The following WASL variants were observed in gnomAD, a reference collection of about 807,000 sequenced individuals.
WASL encodes the protein WASP like actin nucleation promoting factor.
A neutral mutation model predicts 55.5 loss-of-function variants in WASL; 20 were observed. The ratio of observed to expected loss-of-function variants is 0.36; its 90% CI spans 0.25 to 0.52. The LOEUF (loss-of-function observed/expected upper bound fraction) is 0.52, where lower values mean the gene tolerates loss of function less well. WASL is among the 20% of genes least tolerant of loss of function. The pLI is 0.92. For synonymous variants in WASL, 249 were observed against 217.6 expected, an observed-to-expected ratio of 1.14 and a Z score of -1.27; for missense variants, 504 against 622.5, an observed-to-expected ratio of 0.81 and a Z score of 2.03.
chr7:123,714,689 G>C (rs1803810300), intron 1 of WASL, among the ~76,000 whole-genome samples: 1 of 152,160 alleles, frequency 6.6e-6, no homozygotes, highest in East Asian at 1.9e-4. Context: ...GAATGAAAAT[G>C]AGGGCAAATA....
chr7:123,708,963 C>T (rs922563867), intron 2 of WASL, 126 bp downstream of exon 2: 8 of 916,392 alleles, frequency 8.7e-6, no homozygotes, highest in Non-Finnish European at 1.2e-5. Context: ...CCAAGCTTCA[C>T]TCTTCTAATA....
chr7:123,688,097 A>G (rs1248502626), intron 10 of WASL, among the ~76,000 whole-genome samples: 2 of 152,200 alleles, frequency 1.3e-5, no homozygotes, highest in African/African-American at 2.4e-5. Flanking sequence ...GAAGCTATTT[A>G]GCAAACCTCA....
In WASL at chr7:123,701,692, C is replaced by A. The variant is rs151149887; in HGVS notation, c.460+2942G>T. ...GCTACTGGAGGACATGGTCCAGGGG[C>A]CCACTGCCACCTAGTGGTGGTGCAC... On this transcript the variant is annotated intron_variant, in intron 5 of 10. Transcript: ENST00000223023. Among the ~76,000 whole-genome samples the A allele has an allele frequency of 3.4e-4, 52 of 152,264 alleles. No homozygotes were observed. In the East Asian group the frequency reaches 7.9e-3, roughly 23 times the overall value.
rs543349416 is a variant in WASL at position 123,732,662 on chromosome 7, CAGA to C, written c.117+15953_117+15955del. On this transcript the variant is annotated intron_variant, in intron 1 of 10. Coordinates refer to ENST00000223023, the MANE Select transcript of WASL (RefSeq NM_003941.4). The stretch of plus-strand genomic sequence containing the variant: ...TAGAAATCTCTTCCAGAAATAGAAG[CAGA>C]AGGACTACTTCGTAACTATTTTGTA... 1.4e-4 allele frequency among the ~76,000 whole-genome samples: 21 copies of C among 152,180 alleles called. 1 individual carries two copies. In the South Asian group the frequency reaches 4.4e-3, roughly 32 times the overall value.
intron 6 of WASL, 35 bp downstream of exon 6, chr7:123,696,544 A>C: frequency 6.6e-7 from 1 of 1,504,086 alleles, no homozygotes; most frequent in Non-Finnish European, 8.8e-7. Flanking sequence ...AATAAATCAA[A>C]AGTGAAGATA....
At chr7:123,733,327 GT>G (rs1304895853) in intron 1 of WASL, among the ~76,000 whole-genome samples, 1 of 152,132 alleles carries the variant, frequency 6.6e-6, no homozygotes, top group Non-Finnish European at 1.5e-5. Flanking sequence ...AGCATACAAG[GT>G]TAATATGCAA....
intron 9 of WASL, among the ~76,000 whole-genome samples, chr7:123,691,971 A>C (rs1281997301): frequency 6.6e-6 from 1 of 152,238 alleles, no homozygotes; most frequent in African/African-American, 2.4e-5. Context: ...AGTCTAGAAC[A>C]ATGAATTGCA....
intron 1 of WASL, among the ~76,000 whole-genome samples, chr7:123,731,308 A>G (rs1308286191): frequency 6.6e-6 from 1 of 152,230 alleles, no homozygotes; most frequent in East Asian, 1.9e-4. Flanking sequence ...GTCAAAATAC[A>G]TGAGGCAAAA....
intron 1 of WASL, among the ~76,000 whole-genome samples, chr7:123,726,803 T>C (rs112317716): frequency 0.017 from 2,608 of 152,136 alleles, 76 homozygotes; most frequent in African/African-American, 0.059. Context: ...GAGGCAGAGG[T>C]TGCAGTGAGC....
chr7:123,702,423 T>C (rs182489913), intron 5 of WASL, among the ~76,000 whole-genome samples: 1 of 152,306 alleles, frequency 6.6e-6, no homozygotes, highest in East Asian at 1.9e-4. Context: ...ACCACTGTTA[T>C]ATAAAGAATT....
intron 2 of WASL, among the ~76,000 whole-genome samples, chr7:123,708,381 A>G (rs1803704626): frequency 6.6e-6 from 1 of 152,178 alleles, no homozygotes; most frequent in Non-Finnish European, 1.5e-5. Context: ...AGGCAGTTTT[A>G]GTTTTTTGTA....
intron 1 of WASL, among the ~76,000 whole-genome samples, chr7:123,734,201 CCA>C (rs1483999413): frequency 6.6e-6 from 1 of 152,018 alleles, no homozygotes; most frequent in East Asian, 1.9e-4. Context: ...AAAAGGCAAG[CCA>C]CAGACTCAGA....
chr7:123,714,014 T>G (rs1352241028), intron 1 of WASL, among the ~76,000 whole-genome samples: 3 of 152,204 alleles, frequency 2.0e-5, no homozygotes, highest in African/African-American at 7.2e-5. Context: ...TACTAAGAGA[T>G]GACTGTAAAA....
intron 1 of WASL, among the ~76,000 whole-genome samples, chr7:123,723,920 T>C (rs546589935): frequency 2.0e-5 from 3 of 152,352 alleles, no homozygotes; most frequent in East Asian, 3.9e-4. Flanking sequence ...TTCTAAAAGA[T>C]TGTGTATATT....
chr7:123,748,026 C>A (rs377460502), intron 1 of WASL, among the ~76,000 whole-genome samples: 2 of 152,140 alleles, frequency 1.3e-5, no homozygotes, highest in African/African-American at 2.4e-5. Flanking sequence ...CAGGCCTAGG[C>A]AAGGTTGCTA....
chr7:123,694,983 T>C (rs1803469133), intron 7 of WASL, 115 bp from the exon 8 acceptor site: 4 of 1,012,972 alleles, frequency 3.9e-6, no homozygotes, highest in Non-Finnish European at 5.8e-6. Context: ...AACATGCTTA[T>C]ATTACTTATG....
rs549785355 is a variant in WASL at position 123,699,586 on chromosome 7, G to A, written c.461-2839C>T. ...TAGCATGGAAACACAGTTGGATAAA[G>A]TTAAGTTTAATGATTTAAATTATCC... On this transcript the variant is annotated intron_variant, in intron 5 of 10. Transcript: ENST00000223023. 8.5e-5 allele frequency among the ~76,000 whole-genome samples: 13 copies of A among 152,258 alleles called. No individual in the cohort carries two copies. In the South Asian group the frequency reaches 2.5e-3, roughly 29 times the overall value.
In WASL at chr7:123,682,532, T is replaced by C. The variant is rs1358531156; in HGVS notation, c.*1987A>G. The C allele has an allele frequency of 6.6e-6, 1 of 152,142 alleles. No individual in the cohort carries two copies. The highest frequency in any genetic ancestry group is 1.5e-5 in the Non-Finnish European group (1 of 67,992). 9.4% of individuals were successfully genotyped at this position (152,142 alleles called of 1,614,324 possible). A position where few individuals can be genotyped will look rare whatever the true frequency, so the allele number is the denominator to read the frequency against. On this transcript the variant is annotated 3_prime_UTR_variant, in exon 11 of 11. Transcript: ENST00000223023. Reference sequence around the variant, plus strand: ...CTGAGAGAAGTTCCTGATAAATATATATTATACCAAAGTCAGCTGGAAAAT... The same window carrying C: ...CTGAGAGAAGTTCCTGATAAATATACATTATACCAAAGTCAGCTGGAAAAT...
chr7:123,706,476 G>A, intron 3 of WASL, 103 bp from the exon 4 acceptor site: 1 of 1,152,948 alleles, frequency 8.7e-7, no homozygotes, highest in South Asian at 1.5e-5. Flanking sequence ...AGAACGAAAG[G>A]TTAATTTTAC....
Sources: allele counts gnomAD v4.1 joint callset (sites outside exome capture counted in the v4.1 genomes callset), GRCh38; gene constraint gnomAD v4.1.1; transcripts MANE v1.5; gene names NCBI Gene and HGNC (gene_info 2026-07-23, HGNC 2026-07-21).